Variants in ZNF710 observed in about 807,000 individuals in gnomAD.
ZNF710 encodes zinc finger protein 710.
In ZNF710, 13 loss-of-function variants were observed where a neutral mutation model predicts 50.6. The ratio of observed to expected loss-of-function variants is 0.26; its 90% CI spans 0.17 to 0.41. The LOEUF is 0.41. Among genes scored for constraint, ZNF710 ranks in the 10% least tolerant of loss-of-function variants. The pLI, the probability that ZNF710 is intolerant of heterozygous loss-of-function variation, is 1.00. For missense variants in ZNF710, 721 were observed against 936.6 expected, an observed-to-expected ratio of 0.77 and a Z score of 3.01; for synonymous variants, 383 against 397.0, an observed-to-expected ratio of 0.96 and a Z score of 0.42.
At chr15:90,069,253 T>TA (rs1270889406) in intron 2 of ZNF710, among the ~76,000 whole-genome samples, 1 of 147,704 alleles carries the variant, frequency 6.8e-6, no homozygotes, top group Non-Finnish European at 1.5e-5. Context: ...AAAAAAAATT[T>TA]AAACATTAGC....
rs1347806383 is a variant in ZNF710 at position 90,080,086 on chromosome 15, C to T, written c.*257C>T. On this transcript the variant is annotated 3_prime_UTR_variant, in exon 5 of 5. Transcript: ENST00000268154. Reference sequence around the variant, plus strand: ...ACACGCGAGGCCCAGATCTGGGTCTCCCTGGCCTGCTTCCGTGGGGAGTGG... The same window carrying T: ...ACACGCGAGGCCCAGATCTGGGTCTTCCTGGCCTGCTTCCGTGGGGAGTGG... The T allele has an allele frequency of 2.2e-5, 8 of 367,944 alleles. No homozygotes were observed. In the Admixed American group the frequency reaches 3.5e-4, roughly 16 times the overall value. 22.8% of individuals were successfully genotyped at this position (367,944 alleles called of 1,614,324 possible).
chr15:90,002,473 C>T (rs1442003809), intron 1 of ZNF710: 2 of 152,394 alleles, frequency 1.3e-5, no homozygotes, highest in East Asian at 3.9e-4. Context: ...CTCTCTCCGT[C>T]TTCTCGCGGT....
chr15:90,049,681 C>T (rs565473247), intron 1 of ZNF710, among the ~76,000 whole-genome samples: 4 of 152,284 alleles, frequency 2.6e-5, no homozygotes, highest in East Asian at 3.9e-4. Context: ...TGGTCCTGCC[C>T]TCGAGACCCT....
chr15:90,020,474 C>T (rs943281085), intron 1 of ZNF710, among the ~76,000 whole-genome samples: 10 of 120,496 alleles, frequency 8.3e-5, no homozygotes, highest in South Asian at 2.4e-4. Context: ...GGTGGAGGCC[C>T]GAACTGCCTC....
chr15:90,021,017 C>T (rs1444523500), intron 1 of ZNF710, among the ~76,000 whole-genome samples: 2 of 106,822 alleles, frequency 1.9e-5, no homozygotes, highest in Admixed American at 1.7e-4. Flanking sequence ...GCACCCCCCC[C>T]CCCTTAGCAG....
Position 90,068,873 on chromosome 15 carries a change from G to A in ZNF710, c.1458+278G>A, listed in dbSNP as rs1900281293. ...TTTGGGAGGCCAAGGCAGGCAGATT[G>A]CTTGAGTCCTGGGGTTTGAGACCAG... On this transcript the variant is annotated intron_variant, in intron 2 of 4. Coordinates refer to ENST00000268154, the MANE Select transcript of ZNF710 (RefSeq NM_198526.4). This position sits in a 1 kb window ranked among gnomAD's most constrained non-coding sequence, Gnocchi z 5.0. Among the ~76,000 whole-genome samples the A allele has an allele frequency of 6.6e-6, 1 of 151,976 alleles. No homozygotes were observed. Among genetic ancestry groups the A allele is most frequent in the South Asian group, 2.1e-4 (1 of 4,798 alleles).
At position 90,074,306 on chromosome 15, in the gene ZNF710, G is replaced by T. The variant is rs761763074; in HGVS notation, c.1825+16G>T. On this transcript the variant is annotated intron_variant, in intron 4 of 4. Transcript: ENST00000268154. ...GACAGCCAAGGTGGGTGGGCCAAGC[G>T]CAATGGACAGAGCAGGAATGATACC... 12 of 1,611,244 alleles carry T rather than the reference G, an allele frequency of 7.4e-6. No individual in the cohort carries two copies. The highest frequency in any genetic ancestry group is 1.0e-5 in the Non-Finnish European group (12 of 1,179,960).
Position 90,062,084 on chromosome 15 carries a change from G to A in ZNF710, c.-28-5026G>A, listed in dbSNP as rs555003511. ...GGAAATAGGGCAGTCCTGGGCTTCC[G>A]GTGTCACTGCACGCCCCTCCCCCTC... is the stretch of plus-strand genomic sequence containing the variant. On this transcript the variant is annotated intron_variant, in intron 1 of 4. Coordinates refer to ENST00000268154, the MANE Select transcript of ZNF710 (RefSeq NM_198526.4). This position sits in a 1 kb window ranked among gnomAD's most constrained non-coding sequence, Gnocchi z 5.6. Among the ~76,000 whole-genome samples the A allele has an allele frequency of 7.9e-5, 12 of 151,930 alleles. No homozygotes were observed. Among genetic ancestry groups the A allele is most frequent in the African/African-American group, 1.2e-4 (5 of 41,428 alleles).
rs1900039895 is a variant in ZNF710, at chr15:90,062,417, G to C, written c.-28-4693G>C. ...TCATCTTGCCAGCCTGGGGCAGTCT[G>C]AGCTCCCCTTTCTCCTGGACATGGG... is the stretch of plus-strand genomic sequence containing the variant. On this transcript the variant is annotated intron_variant, in intron 1 of 4. Coordinates refer to ENST00000268154, the MANE Select transcript of ZNF710 (RefSeq NM_198526.4). The surrounding 1 kb of genome is among the most constrained non-coding windows in gnomAD (Gnocchi z 5.6). Among the ~76,000 whole-genome samples the C allele has an allele frequency of 6.6e-6, 1 of 152,198 alleles. No individual in the cohort carries two copies. Among genetic ancestry groups the C allele is most frequent in the South Asian group, 2.1e-4 (1 of 4,836 alleles).
rs929612469 is a variant in ZNF710 at position 90,001,361 on chromosome 15, C to T, written c.-282C>T. 4 of 152,148 alleles carry T rather than the reference C, an allele frequency of 2.6e-5. No homozygotes were observed. The highest frequency in any genetic ancestry group is 9.7e-5 in the African/African-American group (4 of 41,430). 9.4% of individuals were successfully genotyped at this position (152,148 alleles called of 1,614,324 possible). On this transcript the variant is annotated 5_prime_UTR_variant, in exon 1 of 5. Coordinates refer to ENST00000268154, the MANE Select transcript of ZNF710 (RefSeq NM_198526.4). ...GGCTTAGGAGGAGCTGTTTTGCATCCCTTCACGTCAGCCCTGCCTCATTCC... is the reference window on the plus strand; with the variant it reads ...GGCTTAGGAGGAGCTGTTTTGCATCTCTTCACGTCAGCCCTGCCTCATTCC...
rs539007540 is a variant in ZNF710 at position 90,034,165 on chromosome 15, T to G, written c.-29+32551T>G. ...GTGAGCCGAGATCGCATCATTGTAC[T>G]CCAGCCTGGGTGACAGAGTGAGACT... On this transcript the variant is annotated intron_variant, in intron 1 of 4. Transcript: ENST00000268154. This position sits in a 1 kb window ranked among gnomAD's most constrained non-coding sequence, Gnocchi z 4.0. Among the ~76,000 whole-genome samples, 14 of 151,652 alleles carry G rather than the reference T, an allele frequency of 9.2e-5. No homozygotes were observed. The South Asian group carries it at 2.7e-3, about 29-fold the overall frequency.
At position 90,073,278 on chromosome 15, in the gene ZNF710, G is replaced by A; in HGVS notation, c.1650+16G>A. The A allele has an allele frequency of 1.9e-6, 3 of 1,607,522 alleles. No individual in the cohort carries two copies. Among genetic ancestry groups the A allele is most frequent in the Non-Finnish European group, 2.6e-6 (3 of 1,174,792 alleles). ...CAAATGCAAGGTACCCGGTCATCAG[G>A]CCCCGGGGCTGGGACCTCCCCGAGG... On this transcript the variant is annotated intron_variant, in intron 3 of 4. Transcript: ENST00000268154.
chr15:90,034,482 T>G lies in ZNF710; in HGVS notation c.-28-32628T>G, dbSNP rs183347070. 7.1e-3 allele frequency among the ~76,000 whole-genome samples: 1,032 copies of G among 146,266 alleles called. 9 individuals carry two copies. The highest frequency in any genetic ancestry group is 9.0e-3 in the Non-Finnish European group (589 of 65,528). On this transcript the variant is annotated intron_variant, in intron 1 of 4. Transcript: ENST00000268154. This position sits in a 1 kb window ranked among gnomAD's most constrained non-coding sequence, Gnocchi z 4.0. ...TGTGTGTGTGTGTGTGTGTATTCTG[T>G]GCCTGTGGTGGTGGTGGCCATGGTG...
rs1419812381 is a variant in ZNF710, at chr15:90,059,404, G to A, written c.-28-7706G>A. On this transcript the variant is annotated intron_variant, in intron 1 of 4. Coordinates refer to ENST00000268154, the MANE Select transcript of ZNF710 (RefSeq NM_198526.4). This position sits in a 1 kb window ranked among gnomAD's most constrained non-coding sequence, Gnocchi z 4.1. ...GCCCTTGCTCCCCCACCGTCTCACT[G>A]TGTGACCTTGGACCATTCCCTTCCC... Among the ~76,000 whole-genome samples the A allele has an allele frequency of 6.6e-6, 1 of 152,250 alleles. No homozygotes were observed. Among genetic ancestry groups the A allele is most frequent in the East Asian group, 1.9e-4 (1 of 5,200 alleles).
chr15:90,045,350 C>T, intron 1 of ZNF710: 1 of 985,432 alleles, frequency 1.0e-6, no homozygotes, highest in Non-Finnish European at 1.2e-6. Context: ...CGGATGGCTT[C>T]AAGGACGTGA....
At chr15:90,005,911 C>A (rs1270626229) in intron 1 of ZNF710, among the ~76,000 whole-genome samples, 2 of 152,166 alleles carry the variant, frequency 1.3e-5, no homozygotes, top group Non-Finnish European at 1.5e-5. Context: ...AGTTAAATAA[C>A]TTGTCCAAGG....
intron 1 of ZNF710, among the ~76,000 whole-genome samples, chr15:90,061,527 G>A (rs1241146180): frequency 6.6e-6 from 1 of 152,130 alleles, no homozygotes; most frequent in Non-Finnish European, 1.5e-5. Flanking sequence ...GAGTGTCCAG[G>A]TGGCCACAAG....
intron 1 of ZNF710, among the ~76,000 whole-genome samples, chr15:90,043,715 C>T (rs1899370996): frequency 6.6e-6 from 1 of 152,178 alleles, no homozygotes; most frequent in East Asian, 1.9e-4. Flanking sequence ...TCAAGCAGGC[C>T]TTTCTCCCCT....
At chr15:90,044,725 T>TA (rs1281197528) in intron 1 of ZNF710, among the ~76,000 whole-genome samples, 1 of 152,188 alleles carries the variant, frequency 6.6e-6, no homozygotes, top group Non-Finnish European at 1.5e-5. Flanking sequence ...AGAGCCGACA[T>TA]ATGCTTGTCA....
Sources: gnomAD v4.1 joint callset for allele counts (sites outside exome capture counted in the v4.1 genomes callset) on GRCh38, gnomAD v4.1.1 for gene constraint, Gnocchi (gnomAD v3.1) non-coding constraint, MANE v1.5 for transcripts, NCBI Gene and HGNC (gene_info 2026-07-23, HGNC 2026-07-21) for gene names.